BEGAIN: variants seen among roughly 807,000 people sequenced by gnomAD.
BEGAIN encodes brain enriched guanylate kinase associated.
In BEGAIN, 19 loss-of-function variants were observed where a neutral mutation model predicts 35.8. The observed-to-expected ratio is 0.53, with a 90% CI of 0.37 to 0.78. BEGAIN has a LOEUF of 0.78. Ranked by LOEUF, BEGAIN falls within the 30% of genes least tolerant of loss-of-function variation. BEGAIN has a pLI of 0.00. For missense variants in BEGAIN, 795 were observed against 853.6 expected, an observed-to-expected ratio of 0.93 and a Z score of 0.85; for synonymous variants, 462 against 388.6, an observed-to-expected ratio of 1.19 and a Z score of -2.22.
intron 1 of BEGAIN, chr14:100,577,598 C>T (rs1031905944): frequency 2.3e-5 from 9 of 398,976 alleles, no homozygotes; most frequent in African/African-American, 1.6e-4. Context: ...AGAACCCGCA[C>T]AGTGACCTCA....
At position 100,568,068 on chromosome 14, in the gene BEGAIN, C is replaced by T; in HGVS notation, c.43-129G>A. On this transcript the variant is annotated intron_variant, in intron 1 of 6. Transcript: ENST00000554140. This position sits in a 1 kb window ranked among gnomAD's most constrained non-coding sequence, Gnocchi z 7.5. Reference sequence around the variant, plus strand: ...GCCCCGTCCGTGGGAAGCCCGGCGCCGCGCGTCCCCAGCTTCCAGTCCCGG... The same window carrying T: ...GCCCCGTCCGTGGGAAGCCCGGCGCTGCGCGTCCCCAGCTTCCAGTCCCGG... The T allele has an allele frequency of 5.5e-6, 6 of 1,092,330 alleles. No homozygotes were observed. The highest frequency in any genetic ancestry group is 6.7e-6 in the Non-Finnish European group (6 of 899,248). 67.7% of individuals were successfully genotyped at this position (1,092,330 alleles called of 1,614,324 possible).
At chr14:100,585,028 C>A (rs2035403740) in intron 1 of BEGAIN, among the ~76,000 whole-genome samples, 1 of 152,130 alleles carries the variant, frequency 6.6e-6, no homozygotes. Context: ...ACACTCTACA[C>A]TCTCCCCATC....
intron 2 of BEGAIN, among the ~76,000 whole-genome samples, chr14:100,555,546 C>T (rs947910364): frequency 6.6e-6 from 1 of 152,214 alleles, no homozygotes; most frequent in Non-Finnish European, 1.5e-5. Flanking sequence ...AGGTGTGTAC[C>T]CCACCCCGTT....
chr14:100,543,329 T>A (rs1368227666), intron 5 of BEGAIN, among the ~76,000 whole-genome samples: 2 of 152,040 alleles, frequency 1.3e-5, no homozygotes, highest in Non-Finnish European at 2.9e-5. Flanking sequence ...CCTGTGTTGT[T>A]CACACCATCA....
Position 100,568,337 on chromosome 14 carries a change from C to CCCCGCGCT in BEGAIN, c.43-406_43-399dup. 1.0e-6 allele frequency: 1 copy of CCCCGCGCT among 955,536 alleles called. No individual in the cohort carries two copies. Among genetic ancestry groups the CCCCGCGCT allele is most frequent in the Non-Finnish European group, 1.4e-6 (1 of 698,120 alleles). The allele number at this position is 955,536 out of a possible 1,614,324, so 59.2% of individuals were successfully genotyped here. Reference sequence around the variant, plus strand: ...CCGCCCCGCCCGTTAACCCTTCCTGCCCCGCGCTCCCTCCCGGAGGAAGCC... The same window carrying CCCCGCGCT: ...CCGCCCCGCCCGTTAACCCTTCCTGCCCCGCGCTCCCGCGCTCCCTCCCGGAGGAAGCC... On this transcript the variant is annotated intron_variant, in intron 1 of 6. Coordinates refer to ENST00000554140, the MANE Select transcript of BEGAIN (RefSeq NM_001385089.1). This position sits in a 1 kb window ranked among gnomAD's most constrained non-coding sequence, Gnocchi z 7.5.
chr14:100,576,233 G>A (rs142125579), intron 1 of BEGAIN, among the ~76,000 whole-genome samples: 1 of 152,186 alleles, frequency 6.6e-6, no homozygotes, highest in Non-Finnish European at 1.5e-5. Flanking sequence ...CCCACCCACC[G>A]GCCTGTCCCT....
rs552625374 is a variant in BEGAIN at position 100,567,627 on chromosome 14, G to C, written c.71+284C>G. Among the ~76,000 whole-genome samples, 677 of 151,908 alleles carry C rather than the reference G, an allele frequency of 4.5e-3. 3 individuals are homozygous for C. The highest frequency in any genetic ancestry group is 0.016 in the African/African-American group (649 of 41,494). ...CCAGAGGGGCGCTGAGGACCGCACA[G>C]GACCAGGCGGCCCCGGGTAGGGGGC... On this transcript the variant is annotated intron_variant, in intron 2 of 6. Transcript: ENST00000554140. The surrounding 1 kb of genome is among the most constrained non-coding windows in gnomAD (Gnocchi z 5.1).
intron 1 of BEGAIN, chr14:100,577,547 G>A (rs1057374880): frequency 7.5e-6 from 3 of 399,128 alleles, no homozygotes; most frequent in Admixed American, 4.4e-5. Flanking sequence ...TCTGGGCTGC[G>A]GCCTCTGGGC....
At chr14:100,539,425 A>G (rs2031217136) in intron 6 of BEGAIN, 110 bp from the exon 7 acceptor site, 1 of 1,458,372 alleles carries the variant, frequency 6.9e-7, no homozygotes, top group Non-Finnish European at 9.0e-7. Context: ...CGACAGGCAG[A>G]CAGACGAACG....
intron 1 of BEGAIN, among the ~76,000 whole-genome samples, chr14:100,585,850 A>G (rs1203276948): frequency 6.6e-5 from 10 of 152,204 alleles, no homozygotes; most frequent in Non-Finnish European, 1.2e-4. Flanking sequence ...TAAATATGAG[A>G]CAAAAGCTGG....
At position 100,567,904 on chromosome 14, in the gene BEGAIN, C is replaced by A. The variant is rs1341570228; in HGVS notation, c.71+7G>T. On this transcript the variant is annotated splice_region_variant and intron_variant, in intron 2 of 6. Transcript: ENST00000554140. This position sits in a 1 kb window ranked among gnomAD's most constrained non-coding sequence, Gnocchi z 5.1. ...GCGAGCCGCGGCACGGGAGACGCTCCACTCACCTGAGTTTCTCCATGTCTG... is the reference window on the plus strand; with the variant it reads ...GCGAGCCGCGGCACGGGAGACGCTCAACTCACCTGAGTTTCTCCATGTCTG... 1.4e-6 allele frequency: 2 copies of A among 1,469,050 alleles called. No homozygotes were observed. Among genetic ancestry groups the A allele is most frequent in the East Asian group, 6.2e-5 (2 of 32,378 alleles). The allele number at this position is 1,469,050 out of a possible 1,614,324, so 91.0% of individuals were successfully genotyped here.
Position 100,538,267 on chromosome 14 carries a change from G to A in BEGAIN, c.1541C>T (p.Ala514Val). The A allele has an allele frequency of 5.1e-6, 8 of 1,565,602 alleles. No individual in the cohort carries two copies. The highest frequency in any genetic ancestry group is 1.4e-5 in the African/African-American group (1 of 73,228). ...GHLAEPCFLR[A>V]GGDLSLSPGR... ...GGGACTGAGGCTCAGGTCGCCGCCCGCCCGCAGGAAGCAGGGCTCTGCCAG... is the reference window on the plus strand; with the variant it reads ...GGGACTGAGGCTCAGGTCGCCGCCCACCCGCAGGAAGCAGGGCTCTGCCAG... The change falls in exon 7 of 7, where the codon GCG (alanine) becomes GTG (valine). Residue 514 changes from alanine to valine, a missense_variant. Physicochemically the swap from Ala to Val is moderately conservative, Grantham distance 64 (BLOSUM62 0). Coordinates refer to ENST00000554140, the MANE Select transcript of BEGAIN (RefSeq NM_001385089.1).
chr14:100,574,372 TTGTCTAGGCTC>T (rs1385776780), intron 1 of BEGAIN, among the ~76,000 whole-genome samples: 1 of 152,190 alleles, frequency 6.6e-6, no homozygotes. Flanking sequence ...GCCCTGGGTC[TTGTCTAGGCTC>T]TGTGTGACTT....
At chr14:100,543,310 T>C (rs1272501494) in intron 5 of BEGAIN, among the ~76,000 whole-genome samples, 1 of 152,034 alleles carries the variant, frequency 6.6e-6, no homozygotes, top group Non-Finnish European at 1.5e-5. Flanking sequence ...TTTTTTGTTT[T>C]TTTTTTTGCC....
chr14:100,576,873 G>A (rs1033570643), intron 1 of BEGAIN, among the ~76,000 whole-genome samples: 4 of 152,194 alleles, frequency 2.6e-5, no homozygotes, highest in South Asian at 2.1e-4. Flanking sequence ...GCCCAAGCCC[G>A]GACTACCTGT....
rs1370146456 is a variant in BEGAIN, at chr14:100,538,841, T to C, written c.967A>G (p.Ser323Gly). The stretch of plus-strand genomic sequence containing the variant: ...TGCTCCTTCTCCTCCGACGTGGCGC[T>C]GAAGCTGGAGTAGGAGCTGGACGTG... ...LPTSSSYSSF[S>G]ATSEEKEHAQ... Residue 323 changes from serine to glycine, a missense_variant, in exon 7 of 7, where the codon AGC (serine) becomes GGC (glycine). Physicochemically the swap from Ser to Gly is moderately conservative, Grantham distance 56. This residue lies in a region of BEGAIN where 664 missense variants were observed against 647.7 expected (regional missense o/e 1.03). Coordinates refer to ENST00000554140, the MANE Select transcript of BEGAIN (RefSeq NM_001385089.1). The C allele has an allele frequency of 6.2e-7, 1 of 1,606,328 alleles. No individual in the cohort carries two copies. The highest frequency in any genetic ancestry group is 8.5e-7 in the Non-Finnish European group (1 of 1,177,994).
rs1461361948 is a variant in BEGAIN at position 100,568,559 on chromosome 14, G to A, written c.43-620C>T. 2 of 1,262,250 alleles carry A rather than the reference G, an allele frequency of 1.6e-6. No individual in the cohort carries two copies. The highest frequency in any genetic ancestry group is 5.8e-5 in the East Asian group (1 of 17,240). 78.2% of individuals were successfully genotyped at this position (1,262,250 alleles called of 1,614,324 possible). A position where few individuals can be genotyped will look rare whatever the true frequency, so the allele number is the denominator to read the frequency against. On this transcript the variant is annotated intron_variant, in intron 1 of 6. Coordinates refer to ENST00000554140, the MANE Select transcript of BEGAIN (RefSeq NM_001385089.1). The surrounding 1 kb of genome is among the most constrained non-coding windows in gnomAD (Gnocchi z 7.5). ...CCTCCCGGGCCCCAGGGATTAACCC[G>A]TGAGCGCCCGGCTCGCCGGCGGGGC...
chr14:100,561,691 G>C (rs142230462), intron 2 of BEGAIN, among the ~76,000 whole-genome samples: 24 of 151,708 alleles, frequency 1.6e-4, no homozygotes, highest in African/African-American at 5.3e-4. Context: ...CTGCACTCCA[G>C]CCTGGCGGAC....
intron 1 of BEGAIN, among the ~76,000 whole-genome samples, chr14:100,584,508 A>G (rs1019514741): frequency 6.6e-6 from 1 of 152,216 alleles, no homozygotes; most frequent in African/African-American, 2.4e-5. Context: ...AGTGACCCCA[A>G]TGAGCAGTGC....
Sources: allele counts gnomAD v4.1 joint callset (sites outside exome capture counted in the v4.1 genomes callset), GRCh38; gene constraint gnomAD v4.1.1; regional missense constraint gnomAD v4.1.1; non-coding constraint Gnocchi (gnomAD v3.1); transcripts MANE v1.5; gene names NCBI Gene and HGNC (gene_info 2026-07-23, HGNC 2026-07-21).